MED12L: variants seen among roughly 807,000 people sequenced by gnomAD.
MED12L encodes mediator of RNA polymerase II transcription subunit 12-like protein.
A neutral mutation model predicts 281.3 loss-of-function variants in MED12L; 60 were observed. The ratio of observed to expected loss-of-function variants is 0.21; its 90% CI spans 0.17 to 0.26. The LOEUF is 0.26. MED12L is among the 10% of genes least tolerant of loss of function. MED12L has a pLI of 1.00. For synonymous variants in MED12L, 974 were observed against 987.2 expected (o/e 0.99, Z 0.25); for missense variants, 2,146 against 2,680.9 (o/e 0.80, Z 4.41).
chr3:151,347,858 T>A (rs1053677390), intron 16 of MED12L, among the ~76,000 whole-genome samples: 2 of 152,122 alleles, frequency 1.3e-5, no homozygotes, highest in African/African-American at 4.8e-5. Flanking sequence ...TTAGAAAGGT[T>A]TATTATTCGA....
chr3:151,416,568 T>G (rs1208884685), intron 43 of MED12L, 146 bp downstream of exon 43: 1 of 724,382 alleles, frequency 1.4e-6, no homozygotes, highest in Non-Finnish European at 2.3e-6. Flanking sequence ...AGTTTTATTG[T>G]CATTGTAGTT....
At chr3:151,189,588 C>T (rs1723706504) in intron 13 of MED12L, among the ~76,000 whole-genome samples, 1 of 152,156 alleles carries the variant, frequency 6.6e-6, no homozygotes, top group South Asian at 2.1e-4. Context: ...TACTGTCTGT[C>T]AGAAAAAGCT....
At chr3:151,328,874 A>G in intron 16 of MED12L, 1 of 1,614,076 alleles carries the variant, frequency 6.2e-7, no homozygotes, top group Admixed American at 1.7e-5. Flanking sequence ...CAAAGTATTC[A>G]GCAGGATGCC....
chr3:151,333,143 C>T (rs1043777184), intron 16 of MED12L, among the ~76,000 whole-genome samples: 1 of 152,120 alleles, frequency 6.6e-6, no homozygotes, highest in African/African-American at 2.4e-5. Context: ...ATCCAGTATA[C>T]CAATGATAAG....
At chr3:151,247,640 T>C (rs1337083288) in intron 16 of MED12L, among the ~76,000 whole-genome samples, 8 of 140,504 alleles carry the variant, frequency 5.7e-5, no homozygotes, top group African/African-American at 1.6e-4. Flanking sequence ...AGGGATAGCA[T>C]TGGGAGATGT....
chr3:151,395,622 G>C (rs1313796809), intron 39 of MED12L, among the ~76,000 whole-genome samples: 1 of 152,192 alleles, frequency 6.6e-6, no homozygotes, highest in Non-Finnish European at 1.5e-5. Context: ...TGGTCATGCA[G>C]TATTTTGATA....
intron 13 of MED12L, among the ~76,000 whole-genome samples, chr3:151,189,339 T>G (rs1327865181): frequency 6.6e-6 from 1 of 152,084 alleles, no homozygotes; most frequent in Non-Finnish European, 1.5e-5. Context: ...CTGGAGCTAA[T>G]CTAGTGGTTG....
In MED12L at chr3:151,409,276, G is replaced by A. The variant is rs1373834515; in HGVS notation, c.5854G>A (p.Ala1952Thr). The A allele has an allele frequency of 1.9e-6, 3 of 1,611,354 alleles. No individual in the cohort carries two copies. The highest frequency in any genetic ancestry group is 2.5e-6 in the Non-Finnish European group (3 of 1,179,198). ...GGGGGACCAGGCTGCTCTCTTTGCT[G>A]CGCAAGCACGGCCCTCCCCTCAGCT... ...QPGDQAALFA[A>T]QARPSPQLPQ... Residue 1952 changes from alanine (A) to threonine (T), a missense_variant, in exon 40 of 45, where the codon GCG (alanine) becomes ACG (threonine). Transcript: ENST00000687756.
At chr3:151,415,401 T>A (rs958741840) in intron 42 of MED12L, among the ~76,000 whole-genome samples, 13 of 152,256 alleles carry the variant, frequency 8.5e-5, no homozygotes, top group African/African-American at 2.9e-4. Context: ...ATTGCAGTCA[T>A]TGTGATTTGG....
At chr3:151,199,618 T>C (rs1725238730) in intron 16 of MED12L, among the ~76,000 whole-genome samples, 1 of 151,730 alleles carries the variant, frequency 6.6e-6, no homozygotes, top group East Asian at 1.9e-4. Context: ...GGGTTTTCCA[T>C]TGTCTGATTT....
At chr3:151,345,674 C>A (rs758457843) in intron 16 of MED12L, among the ~76,000 whole-genome samples, 1 of 151,800 alleles carries the variant, frequency 6.6e-6, no homozygotes, top group Non-Finnish European at 1.5e-5. Context: ...CCTGCCACCA[C>A]GCCTGGCTAG....
Position 151,364,969 on chromosome 3 carries a change from A to G in MED12L, c.2958-10A>G, listed in dbSNP as rs374170097. 1.3e-6 allele frequency: 2 copies of G among 1,595,548 alleles called. No homozygotes were observed. Among genetic ancestry groups the G allele is most frequent in the African/African-American group, 1.3e-5 (1 of 74,354 alleles). ...TTTTTCTGTTTTAACTTTTTTTCTT[A>G]TAACCTCAGTAGTGCCTGTTCAAAA... On this transcript the variant is annotated splice_polypyrimidine_tract_variant and intron_variant, in intron 21 of 44. Coordinates refer to ENST00000687756, the MANE Select transcript of MED12L (RefSeq NM_001393769.1).
At chr3:151,390,528 T>A (rs548441260) in intron 38 of MED12L, among the ~76,000 whole-genome samples, 1 of 152,240 alleles carries the variant, frequency 6.6e-6, no homozygotes, top group African/African-American at 2.4e-5. Flanking sequence ...GCTAAGAAAA[T>A]TGGTTCAGCA....
intron 17 of MED12L, among the ~76,000 whole-genome samples, chr3:151,353,873 G>A (rs1208886703): frequency 6.6e-6 from 1 of 152,008 alleles, no homozygotes; most frequent in African/African-American, 2.4e-5. Context: ...CGGGCGCGGT[G>A]GCTCACGCCT....
intron 16 of MED12L, among the ~76,000 whole-genome samples, chr3:151,303,180 G>A (rs1311913628): frequency 1.3e-5 from 2 of 152,170 alleles, no homozygotes; most frequent in African/African-American, 4.8e-5. Context: ...GGTGAAAAGG[G>A]TTAGAAGATT....
rs1400097766 is a variant in MED12L, at chr3:151,435,016, T to C, written c.*2212T>C. ...ATAAAGAAAATAACTAGAATTACTT[T>C]AGTCTTCAGATTTTCTCCCTGTTAA... On this transcript the variant is annotated 3_prime_UTR_variant, in exon 45 of 45. Transcript: ENST00000687756. The C allele has an allele frequency of 2.0e-5, 3 of 152,118 alleles. No individual in the cohort carries two copies. The highest frequency in any genetic ancestry group is 3.8e-4 in the East Asian group (2 of 5,196). The allele number at this position is 152,118 out of a possible 1,614,324, so 9.4% of individuals were successfully genotyped here. A position where few individuals can be genotyped will look rare whatever the true frequency, so the allele number is the denominator to read the frequency against.
intron 16 of MED12L, among the ~76,000 whole-genome samples, chr3:151,332,233 G>C (rs1201751076): frequency 6.6e-6 from 1 of 152,142 alleles, no homozygotes; most frequent in Non-Finnish European, 1.5e-5. Context: ...AAAATTGACA[G>C]TCCAAGGCCC....
chr3:151,403,517 C>A (rs1382086453), intron 39 of MED12L, among the ~76,000 whole-genome samples: 1 of 152,212 alleles, frequency 6.6e-6, no homozygotes, highest in Non-Finnish European at 1.5e-5. Context: ...AACACATCAT[C>A]TCTATTTTCT....
At chr3:151,357,770 C>G (rs1754108749) in intron 20 of MED12L, among the ~76,000 whole-genome samples, 1 of 152,186 alleles carries the variant, frequency 6.6e-6, no homozygotes, top group Non-Finnish European at 1.5e-5. Context: ...CATACATTAT[C>G]ATCTTAGAAA....
Sources: gnomAD v4.1 joint callset for allele counts (sites outside exome capture counted in the v4.1 genomes callset) on GRCh38, gnomAD v4.1.1 for gene constraint, MANE v1.5 for transcripts, NCBI Gene and HGNC (gene_info 2026-07-23, HGNC 2026-07-21) for gene names.